The following LGR4 variants were observed in gnomAD, a reference collection of about 807,000 sequenced individuals.
LGR4 encodes leucine rich repeat containing G protein-coupled receptor 4, also known as leucine-rich repeat-containing G protein-coupled receptor 4.
In LGR4, 44 loss-of-function variants were observed where a neutral mutation model predicts 84.8. That is an observed-to-expected ratio of 0.52 (90% CI 0.41 to 0.67). LGR4 has a LOEUF of 0.67. Among genes scored for constraint, LGR4 ranks in the 30% least tolerant of loss-of-function variants. The pLI, the probability that LGR4 is intolerant of heterozygous loss-of-function variation, is 0.00. For missense variants in LGR4, 1,032 were observed against 1,131.4 expected, an observed-to-expected ratio of 0.91 and a Z score of 1.26; for synonymous variants, 429 against 434.3, an observed-to-expected ratio of 0.99 and a Z score of 0.15.
rs781592180 is a variant in LGR4, at chr11:27,376,385, A to G, written c.1110-15T>C. On this transcript the variant is annotated splice_polypyrimidine_tract_variant and intron_variant, in intron 12 of 17. Transcript: ENST00000379214. The stretch of plus-strand genomic sequence containing the variant: ...GCTGTAAAGAACTAAATAAAAAAAG[A>G]AGAAGAAAGAAGACGAAGACAAAGA... The G allele has an allele frequency of 1.9e-5, 25 of 1,327,180 alleles. No homozygotes were observed. In the South Asian group the frequency reaches 3.2e-4, roughly 17 times the overall value. 82.2% of individuals were successfully genotyped at this position (1,327,180 alleles called of 1,614,324 possible). A position where few individuals can be genotyped will look rare whatever the true frequency, so the allele number is the denominator to read the frequency against.
Position 27,378,727 on chromosome 11 carries a change from AAATT to A in LGR4, c.1009_1012del (p.Asn337CysfsTer18). 6.2e-7 allele frequency: 1 copy of A among 1,612,286 alleles called. No individual in the cohort carries two copies. The highest frequency in any genetic ancestry group is 1.1e-5 in the South Asian group (1 of 90,786). On this transcript the variant is annotated frameshift_variant, in exon 11 of 18. Coordinates refer to ENST00000379214, the MANE Select transcript of LGR4 (RefSeq NM_018490.5). LOFTEE classifies it high-confidence loss of function. ...CCTAAGCATCTTTTGTTCTTGACACAAATTATTAGGTATGCTGCTTATCTTTGTA... is the reference window on the plus strand; with the variant it reads ...CCTAAGCATCTTTTGTTCTTGACACAATTAGGTATGCTGCTTATCTTTGTA...
At chr11:27,432,773 C>G (rs945260584) in intron 1 of LGR4, among the ~76,000 whole-genome samples, 1 of 152,148 alleles carries the variant, frequency 6.6e-6, no homozygotes, top group Non-Finnish European at 1.5e-5. Flanking sequence ...CTACCTTAAT[C>G]TTTTTCTTTG....
At position 27,384,353 on chromosome 11, in the gene LGR4, T is replaced by C. The variant is rs753332673; in HGVS notation, c.672A>G (p.Leu224=). The C allele has an allele frequency of 4.4e-6, 7 of 1,606,642 alleles. No individual in the cohort carries two copies. The highest frequency in any genetic ancestry group is 6.0e-6 in the Non-Finnish European group (7 of 1,173,808). The change falls in exon 6 of 18, where the codon CTA becomes CTG. Residue 224 remains leucine, a synonymous_variant. Transcript: ENST00000379214. The part of the protein sequence containing the change: ...RSLSQHCFDG[L]DNLETLDLNY... Reference sequence around the variant, plus strand: ...ATACTTACAAGGTCTCCAGGTTATCTAGTCCATCAAAACAGTGTTGACTCA... The same window carrying C: ...ATACTTACAAGGTCTCCAGGTTATCCAGTCCATCAAAACAGTGTTGACTCA...
rs774513168 is a variant in LGR4 at position 27,472,089 on chromosome 11, C to G, written c.185+29G>C. On this transcript the variant is annotated intron_variant, in intron 1 of 17. Transcript: ENST00000379214. ...CCCGCTGGGCCCCGTTTCCTCCCCCCCCCTCGCGTCCCCGCCGCCCGCACT... is the reference window on the plus strand; with the variant it reads ...CCCGCTGGGCCCCGTTTCCTCCCCCGCCCTCGCGTCCCCGCCGCCCGCACT... The G allele has an allele frequency of 1.7e-4, 223 of 1,284,724 alleles. 3 individuals are homozygous for G. The highest frequency in any genetic ancestry group is 2.0e-4 in the Non-Finnish European group (206 of 1,015,200). 79.6% of individuals were successfully genotyped at this position (1,284,724 alleles called of 1,614,324 possible).
chr11:27,457,126 T>C (rs1286682620), intron 1 of LGR4, among the ~76,000 whole-genome samples: 1 of 152,240 alleles, frequency 6.6e-6, no homozygotes. Flanking sequence ...ACAAGTTACC[T>C]AATCCTTTTA....
At position 27,385,431 on chromosome 11, in the gene LGR4, C is replaced by A. The variant is rs548402677; in HGVS notation, c.439G>T (p.Asp147Tyr). ...DANHITSVPE[D>Y]SFEGLVQLRH... is the part of the protein sequence containing the mutation. ...AACTGAACAAGTCCTTCAAAACTGT[C>A]CTCGGGGACTGAGGTAATATGGTTG... The change falls in exon 5 of 18, where the codon GAC becomes TAC. Residue 147 changes from aspartate to tyrosine, a missense_variant. By Grantham distance (160) the Asp-to-Tyr change is radical (BLOSUM62 -3). Transcript: ENST00000379214. 2 of 1,610,042 alleles carry A rather than the reference C, an allele frequency of 1.2e-6. No individual in the cohort carries two copies. The highest frequency in any genetic ancestry group is 2.2e-5 in the South Asian group (2 of 89,750).
chr11:27,414,715 A>G (rs186897520), intron 1 of LGR4, among the ~76,000 whole-genome samples: 2 of 152,140 alleles, frequency 1.3e-5, no homozygotes, highest in Non-Finnish European at 2.9e-5. Flanking sequence ...GTTTTTCATA[A>G]ACACTCTAGC....
At chr11:27,464,076 C>T (rs1864733024) in intron 1 of LGR4, among the ~76,000 whole-genome samples, 1 of 152,218 alleles carries the variant, frequency 6.6e-6, no homozygotes, top group African/African-American at 2.4e-5. Flanking sequence ...GCTTTCTCTT[C>T]CCTACTACAG....
rs1282656598 is a variant in LGR4, at chr11:27,367,670, C to T, written c.*197G>A. The T allele has an allele frequency of 6.0e-6, 3 of 503,780 alleles. No individual in the cohort carries two copies. The highest frequency in any genetic ancestry group is 5.8e-5 in the African/African-American group (3 of 52,148). 31.2% of individuals were successfully genotyped at this position (503,780 alleles called of 1,614,324 possible). On this transcript the variant is annotated 3_prime_UTR_variant, in exon 18 of 18. Transcript: ENST00000379214. ...CAGATCATACATTGCTTGGACATTG[C>T]ATTTTTCACCAATTTATAATTTAGG...
chr11:27,459,211 G>T (rs562036917), intron 1 of LGR4, among the ~76,000 whole-genome samples: 5 of 152,246 alleles, frequency 3.3e-5, no homozygotes, highest in African/African-American at 9.6e-5. Flanking sequence ...CTATATCTGA[G>T]ATAAAATAAT....
At chr11:27,453,114 G>T (rs955125900) in intron 1 of LGR4, among the ~76,000 whole-genome samples, 1 of 151,870 alleles carries the variant, frequency 6.6e-6, no homozygotes, top group African/African-American at 2.4e-5. Flanking sequence ...TGTCGCCCAG[G>T]CTGGAGTGCA....
chr11:27,374,510 T>TACCC (rs1554965076), intron 13 of LGR4, among the ~76,000 whole-genome samples: 4 of 152,094 alleles, frequency 2.6e-5, no homozygotes, highest in African/African-American at 9.7e-5. Flanking sequence ...GGGCTGCAGA[T>TACCC]ACCCTTCTTT....
At chr11:27,394,915 C>T (rs868839664) in intron 2 of LGR4, among the ~76,000 whole-genome samples, 1 of 152,040 alleles carries the variant, frequency 6.6e-6, no homozygotes, top group Non-Finnish European at 1.5e-5. Flanking sequence ...CACCCACCAA[C>T]ATGCCAATTC....
chr11:27,448,143 C>T (rs1480930995), intron 1 of LGR4, among the ~76,000 whole-genome samples: 1 of 152,020 alleles, frequency 6.6e-6, no homozygotes, highest in African/African-American at 2.4e-5. Flanking sequence ...TTCCATAATG[C>T]TCTTTTCAAA....
At position 27,368,587 on chromosome 11, in the gene LGR4, T is replaced by C. The variant is rs1168997566; in HGVS notation, c.2136A>G (p.Leu712=). The change falls in exon 18 of 18, where the codon CTA becomes CTG. Residue 712 remains leucine (L), a synonymous_variant. Transcript: ENST00000379214. ...PSLGFTVTLV[L]LNSLAFLLMA... ...TTAATAAAAATGCTAGTGAGTTTAA[T>C]AGCACTAACGTTACAGTGAATCCTA... 4 of 1,613,760 alleles carry C rather than the reference T, an allele frequency of 2.5e-6. No homozygotes were observed. The highest frequency in any genetic ancestry group is 3.4e-6 in the Non-Finnish European group (4 of 1,179,888).
At chr11:27,433,305 C>T (rs891975026) in intron 1 of LGR4, among the ~76,000 whole-genome samples, 2 of 152,136 alleles carry the variant, frequency 1.3e-5, no homozygotes, top group African/African-American at 2.4e-5. Flanking sequence ...CTCCGCCTCC[C>T]GGGTTCTCGC....
intron 3 of LGR4, among the ~76,000 whole-genome samples, chr11:27,391,768 A>AT (rs1381126664): frequency 1.3e-5 from 2 of 152,058 alleles, no homozygotes; most frequent in African/African-American, 2.4e-5. Flanking sequence ...AATTCTTTTG[A>AT]TTTTTTTGCC....
At chr11:27,470,911 T>A (rs1864858964) in intron 1 of LGR4, among the ~76,000 whole-genome samples, 1 of 152,182 alleles carries the variant, frequency 6.6e-6, no homozygotes, top group Non-Finnish European at 1.5e-5. Flanking sequence ...GCAATGCTCC[T>A]GCCTGCATAA....
chr11:27,393,013 T>C (rs111918329), intron 2 of LGR4, among the ~76,000 whole-genome samples: 4 of 152,190 alleles, frequency 2.6e-5, no homozygotes, highest in African/African-American at 7.2e-5. Flanking sequence ...GTGTGAGTCA[T>C]TGAAAGCATA....
Sources: allele counts gnomAD v4.1 joint callset (sites outside exome capture counted in the v4.1 genomes callset), GRCh38; gene constraint gnomAD v4.1.1; transcripts MANE v1.5; gene names NCBI Gene and HGNC (gene_info 2026-07-23, HGNC 2026-07-21).